The following EPHB1 variants were observed in gnomAD, a reference collection of about 807,000 sequenced individuals.
The protein encoded by EPHB1 is ephrin type-B receptor 1.
In EPHB1, 30 loss-of-function variants were observed where a neutral mutation model predicts 94.4. The ratio of observed to expected loss-of-function variants is 0.32; its 90% CI spans 0.24 to 0.43. The LOEUF (loss-of-function observed/expected upper bound fraction) is 0.43. Ranked by LOEUF, EPHB1 falls within the 20% of genes least tolerant of loss-of-function variation. The pLI is 1.00. For missense variants in EPHB1, 1,055 were observed against 1,308.3 expected (o/e 0.81, Z 2.99); for synonymous variants, 522 against 489.1 (o/e 1.07, Z -0.89).
At chr3:134,813,170 A>G (rs1442507429) in intron 1 of EPHB1, among the ~76,000 whole-genome samples, 1 of 152,174 alleles carries the variant, frequency 6.6e-6, no homozygotes. Flanking sequence ...AGGGGCCAGG[A>G]CCTCAGAAAG....
chr3:134,832,155 T>C (rs1231009112), intron 1 of EPHB1, among the ~76,000 whole-genome samples: 1 of 152,260 alleles, frequency 6.6e-6, no homozygotes, highest in African/African-American at 2.4e-5. Context: ...ATACTTATTC[T>C]AAGAAAATTA....
chr3:134,892,502 A>G (rs745343552), intron 1 of EPHB1, among the ~76,000 whole-genome samples: 6 of 152,244 alleles, frequency 3.9e-5, no homozygotes, highest in Admixed American at 2.0e-4. Context: ...AAAGAGAACT[A>G]TGAACATTTG....
At chr3:134,977,860 G>T in intron 3 of EPHB1, 1 of 413,266 alleles carries the variant, frequency 2.4e-6, no homozygotes, top group South Asian at 1.8e-5. Context: ...CTGTAACAGA[G>T]CTGGCACCAG....
At chr3:135,257,194 T>C (rs1933434898) in intron 15 of EPHB1, among the ~76,000 whole-genome samples, 1 of 152,060 alleles carries the variant, frequency 6.6e-6, no homozygotes, top group Non-Finnish European at 1.5e-5. Flanking sequence ...AATTTGATCG[T>C]CTGAAGCCTT....
At chr3:134,980,835 G>A (rs748882133) in intron 3 of EPHB1, among the ~76,000 whole-genome samples, 13 of 152,296 alleles carry the variant, frequency 8.5e-5, no homozygotes, top group Non-Finnish European at 1.0e-4. Context: ...CCTGCTGCTC[G>A]TAAGTCATAA....
intron 1 of EPHB1, among the ~76,000 whole-genome samples, chr3:134,890,155 GACTTT>G (rs2037949108): frequency 1.3e-5 from 2 of 152,096 alleles, no homozygotes; most frequent in Non-Finnish European, 2.9e-5. Context: ...GGTACCCACT[GACTTT>G]GACGTTTTGT....
At chr3:135,157,650 A>C (rs990347356) in intron 6 of EPHB1, among the ~76,000 whole-genome samples, 1 of 152,226 alleles carries the variant, frequency 6.6e-6, no homozygotes, top group African/African-American at 2.4e-5. Context: ...ATTGGTTACC[A>C]TTTGGTATAC....
At chr3:134,917,983 C>G (rs951065138) in intron 1 of EPHB1, among the ~76,000 whole-genome samples, 16 of 152,188 alleles carry the variant, frequency 1.1e-4, no homozygotes, top group Admixed American at 7.9e-4. Flanking sequence ...TGGCATTCAG[C>G]CTGAGTTGAT....
At chr3:135,085,392 G>A (rs1938321963) in intron 3 of EPHB1, among the ~76,000 whole-genome samples, 1 of 152,214 alleles carries the variant, frequency 6.6e-6, no homozygotes, top group South Asian at 2.1e-4. Context: ...TAGAACTCCT[G>A]CATGCAGGTT....
At chr3:135,032,319 A>AAG in intron 3 of EPHB1, among the ~76,000 whole-genome samples, 2 of 149,172 alleles carry the variant, frequency 1.3e-5, no homozygotes, top group Non-Finnish European at 3.0e-5. Flanking sequence ...CTACTTCATC[A>AAG]TAAAACTATT....
intron 9 of EPHB1, among the ~76,000 whole-genome samples, chr3:135,177,096 G>A (rs188113960): frequency 6.6e-6 from 1 of 152,112 alleles, no homozygotes; most frequent in African/African-American, 2.4e-5. Context: ...TATGTCGTCA[G>A]CAATATGTTC....
chr3:135,003,936 T>C (rs1035109325), intron 3 of EPHB1, among the ~76,000 whole-genome samples: 1 of 152,086 alleles, frequency 6.6e-6, no homozygotes, highest in Non-Finnish European at 1.5e-5. Context: ...TGTCTTTTAA[T>C]TGGAGCATTT....
At chr3:135,060,159 A>G (rs575861783) in intron 3 of EPHB1, among the ~76,000 whole-genome samples, 1 of 152,376 alleles carries the variant, frequency 6.6e-6, no homozygotes, top group East Asian at 1.9e-4. Flanking sequence ...AAAGAAAGCC[A>G]TGCTTGTTAA....
At chr3:135,243,088 AAAAAAAG>A (rs374997296) in intron 13 of EPHB1, among the ~76,000 whole-genome samples, 25,630 of 135,256 alleles carry the variant, frequency 0.19, 1,867 homozygotes, top group East Asian at 0.24. Context: ...AAAAAAAAAA[AAAAAAAG>A]AAAAGAAAAG....
At chr3:135,097,726 T>A (rs1938857315) in intron 3 of EPHB1, among the ~76,000 whole-genome samples, 1 of 152,160 alleles carries the variant, frequency 6.6e-6, no homozygotes, top group South Asian at 2.1e-4. Context: ...CAGCTAAGTG[T>A]CTCCTCTGCA....
chr3:135,212,709 G>A (rs1009602254), intron 12 of EPHB1, among the ~76,000 whole-genome samples: 2 of 152,180 alleles, frequency 1.3e-5, no homozygotes, highest in African/African-American at 4.8e-5. Context: ...AGACAGTGGG[G>A]TTTTCTATTG....
At chr3:135,248,595 C>A in intron 14 of EPHB1, 86 bp downstream of exon 14, 3 of 1,377,734 alleles carry the variant, frequency 2.2e-6, no homozygotes, top group Non-Finnish European at 2.9e-6. Context: ...TGATCATGTT[C>A]GAATTTTTTA....
At chr3:135,043,353 T>C (rs1936908700) in intron 3 of EPHB1, among the ~76,000 whole-genome samples, 1 of 152,128 alleles carries the variant, frequency 6.6e-6, no homozygotes, top group Non-Finnish European at 1.5e-5. Context: ...ATCTTCTATC[T>C]GTTAGAAAGC....
chr3:135,171,945 C>T (rs1941814571), intron 9 of EPHB1, among the ~76,000 whole-genome samples: 1 of 152,156 alleles, frequency 6.6e-6, no homozygotes, highest in Non-Finnish European at 1.5e-5. Flanking sequence ...TCAGATCTGT[C>T]TGACTCTGTG....
Sources: gnomAD v4.1 joint callset for allele counts (sites outside exome capture counted in the v4.1 genomes callset) on GRCh38, gnomAD v4.1.1 for gene constraint, MANE v1.5 for transcripts, NCBI Gene and HGNC (gene_info 2026-07-23, HGNC 2026-07-21) for gene names.